The following CAMK4 variants were observed in gnomAD, a reference collection of about 807,000 sequenced individuals.
CAMK4 encodes calcium/calmodulin dependent protein kinase IV, also known as calcium/calmodulin-dependent protein kinase type IV.
In CAMK4, 22 loss-of-function variants were observed where a neutral mutation model predicts 44.9. The ratio of observed to expected loss-of-function variants is 0.49; its 90% CI spans 0.35 to 0.70. CAMK4 has a LOEUF of 0.70. Ranked by LOEUF, CAMK4 falls within the 30% of genes least tolerant of loss-of-function variation. The pLI is 0.01. For missense variants in CAMK4, 498 were observed against 586.8 expected (o/e 0.85, Z 1.56); for synonymous variants, 218 against 215.4 (o/e 1.01, Z -0.11).
rs367933683 is a variant in CAMK4, at chr5:111,336,213, C to T, written c.162-7811C>T. On this transcript the variant is annotated intron_variant, in intron 1 of 10. Coordinates refer to ENST00000282356, the MANE Select transcript of CAMK4 (RefSeq NM_001744.6). Reference sequence around the variant, plus strand: ...AGCTTTATTTTTTTCAGTTGAATGACTCCATAAATATAATATCCTCTAATG... The same window carrying T: ...AGCTTTATTTTTTTCAGTTGAATGATTCCATAAATATAATATCCTCTAATG... Among the ~76,000 whole-genome samples, 6 of 151,196 alleles carry T rather than the reference C, an allele frequency of 4.0e-5. No individual in the cohort carries two copies. In the East Asian group the frequency reaches 5.9e-4, roughly 15 times the overall value.
In CAMK4 at chr5:111,275,999, G is replaced by C. The variant is rs1443964267; in HGVS notation, c.161+51355G>C. Reference sequence around the variant, plus strand: ...AAATATATAGTCCCACCATCTTCTTGTATCAAATATTATTGACAATTCAGT... The same window carrying C: ...AAATATATAGTCCCACCATCTTCTTCTATCAAATATTATTGACAATTCAGT... On this transcript the variant is annotated intron_variant, in intron 1 of 10. Coordinates refer to ENST00000282356, the MANE Select transcript of CAMK4 (RefSeq NM_001744.6). 2.0e-5 allele frequency among the ~76,000 whole-genome samples: 3 copies of C among 152,054 alleles called. No homozygotes were observed. In the South Asian group the frequency reaches 6.2e-4, roughly 32 times the overall value.
At chr5:111,312,800 G>A (rs778194543) in intron 1 of CAMK4, among the ~76,000 whole-genome samples, 5 of 152,122 alleles carry the variant, frequency 3.3e-5, no homozygotes, top group Non-Finnish European at 5.9e-5. Flanking sequence ...ATTTGTTAGC[G>A]GAGAGCCCTA....
chr5:111,483,634 G>A (rs1481462309), intron 10 of CAMK4, among the ~76,000 whole-genome samples: 2 of 152,122 alleles, frequency 1.3e-5, no homozygotes, highest in African/African-American at 4.8e-5. Flanking sequence ...GATTTCTCCA[G>A]CTAGTTTGAT....
intron 1 of CAMK4, among the ~76,000 whole-genome samples, chr5:111,323,429 G>A (rs1050520011): frequency 6.6e-6 from 1 of 152,026 alleles, no homozygotes; most frequent in Non-Finnish European, 1.5e-5. Context: ...ACCGTTGGCT[G>A]TGTTGCCAGC....
At position 111,349,957 on chromosome 5, in the gene CAMK4, T is replaced by G. The variant is rs144089773; in HGVS notation, c.240+5855T>G. On this transcript the variant is annotated intron_variant, in intron 2 of 10. Coordinates refer to ENST00000282356, the MANE Select transcript of CAMK4 (RefSeq NM_001744.6). ...CTCTCATGAAATACCTAGTATTGAG[T>G]CTGAGATCTAATCTCCGTGTGTAAA... 1.6e-3 allele frequency among the ~76,000 whole-genome samples: 249 copies of G among 152,086 alleles called. 1 individual carries two copies. The highest frequency in any genetic ancestry group is 2.7e-3 in the Non-Finnish European group (186 of 67,912).
intron 1 of CAMK4, among the ~76,000 whole-genome samples, chr5:111,312,821 G>C (rs562822075): frequency 6.4e-4 from 98 of 152,186 alleles, no homozygotes; most frequent in African/African-American, 2.3e-3. Flanking sequence ...TGCTCATATG[G>C]TATCTTCTCT....
intron 2 of CAMK4, among the ~76,000 whole-genome samples, chr5:111,346,985 G>T (rs983605266): frequency 6.6e-6 from 1 of 151,930 alleles, no homozygotes; most frequent in Non-Finnish European, 1.5e-5. Context: ...AAAGGTAAGG[G>T]TACATTTCAG....
At chr5:111,301,262 A>G (rs1243819292) in intron 1 of CAMK4, among the ~76,000 whole-genome samples, 1 of 152,146 alleles carries the variant, frequency 6.6e-6, no homozygotes, top group African/African-American at 2.4e-5. Context: ...TGGCTTTTTC[A>G]AAAAAGACTT....
At chr5:111,313,849 A>C (rs1022344895) in intron 1 of CAMK4, among the ~76,000 whole-genome samples, 2 of 152,160 alleles carry the variant, frequency 1.3e-5, no homozygotes, top group African/African-American at 2.4e-5. Context: ...GGAGTCAGAA[A>C]GGAAGCCAAT....
chr5:111,276,322 A>G (rs1055230552), intron 1 of CAMK4, among the ~76,000 whole-genome samples: 11 of 151,546 alleles, frequency 7.3e-5, no homozygotes, highest in Admixed American at 7.2e-4. Context: ...GGCCACCTCT[A>G]CTCCTCTAAT....
chr5:111,468,503 A>G (rs913779874), intron 7 of CAMK4, among the ~76,000 whole-genome samples: 3 of 152,166 alleles, frequency 2.0e-5, no homozygotes, highest in African/African-American at 7.2e-5. Context: ...TTCTTGCCCT[A>G]AGAAGATCAC....
chr5:111,254,297 AC>A (rs1024033332), intron 1 of CAMK4, among the ~76,000 whole-genome samples: 3 of 152,142 alleles, frequency 2.0e-5, no homozygotes, highest in African/African-American at 7.2e-5. Context: ...GGGCACTGAC[AC>A]CCAAAGGGAA....
At chr5:111,226,365 G>A (rs1580448205) in intron 1 of CAMK4, among the ~76,000 whole-genome samples, 1 of 152,190 alleles carries the variant, frequency 6.6e-6, no homozygotes, top group East Asian at 1.9e-4. Flanking sequence ...TTATTTTTCA[G>A]TTCAGAATTA....
chr5:111,484,332 C>G lies in CAMK4; in HGVS notation c.1288C>G (p.Leu430Val). 1 of 1,613,766 alleles carries G rather than the reference C, an allele frequency of 6.2e-7. No homozygotes were observed. Among genetic ancestry groups the G allele is most frequent in the Non-Finnish European group, 8.5e-7 (1 of 1,179,878 alleles). ...GGAGGATGGGATAAAGGTGGCTGAC[C>G]TGGAACTAGAGGAGGGCCTAGCAGA... is the stretch of plus-strand genomic sequence containing the variant. ...AVEDGIKVAD[L>V]ELEEGLAEEK... Residue 430 changes from leucine to valine, a missense_variant, in exon 11 of 11, where the codon CTG becomes GTG. Physicochemically the swap from Leu to Val is conservative, Grantham distance 32. Transcript: ENST00000282356. The surrounding 1 kb of genome is among the most constrained non-coding windows in gnomAD (Gnocchi z 5.3).
At chr5:111,473,671 G>C (rs1022708449) in intron 8 of CAMK4, among the ~76,000 whole-genome samples, 1 of 152,156 alleles carries the variant, frequency 6.6e-6, no homozygotes, top group Non-Finnish European at 1.5e-5. Flanking sequence ...CACTAGTAAA[G>C]AATATGAGCC....
chr5:111,238,940 T>A (rs1748867171), intron 1 of CAMK4, among the ~76,000 whole-genome samples: 1 of 149,276 alleles, frequency 6.7e-6, no homozygotes, highest in African/African-American at 2.5e-5. Context: ...TTCCAGGCAC[T>A]AGCACCTTGG....
Position 111,486,782 on chromosome 5 carries a change from T to G in CAMK4, c.*2316T>G, listed in dbSNP as rs1007886377. The G allele has an allele frequency of 6.6e-6, 1 of 152,172 alleles. No homozygotes were observed. Among genetic ancestry groups the G allele is most frequent in the Admixed American group, 6.5e-5 (1 of 15,284 alleles). 9.4% of individuals were successfully genotyped at this position (152,172 alleles called of 1,614,324 possible). A position where few individuals can be genotyped will look rare whatever the true frequency, so the allele number is the denominator to read the frequency against. On this transcript the variant is annotated 3_prime_UTR_variant, in exon 11 of 11. Transcript: ENST00000282356. ...TTTAGAATTTACTCATTTAAATGAG[T>G]GCATATTACCATTCCTCCATGTGAG...
At chr5:111,310,180 C>G (rs988147800) in intron 1 of CAMK4, among the ~76,000 whole-genome samples, 22 of 152,148 alleles carry the variant, frequency 1.4e-4, no homozygotes, top group African/African-American at 5.3e-4. Flanking sequence ...GTATCCCCAC[C>G]TGTGCAAAGT....
At chr5:111,296,731 A>G (rs1439328253) in intron 1 of CAMK4, among the ~76,000 whole-genome samples, 1 of 152,230 alleles carries the variant, frequency 6.6e-6, no homozygotes. Context: ...CCCTCAGGTT[A>G]TCAGCTTCAT....
Sources: allele counts gnomAD v4.1 joint callset (sites outside exome capture counted in the v4.1 genomes callset), GRCh38; gene constraint gnomAD v4.1.1; non-coding constraint Gnocchi (gnomAD v3.1); transcripts MANE v1.5; gene names NCBI Gene and HGNC (gene_info 2026-07-23, HGNC 2026-07-21).